The following LINGO1 variants were observed in gnomAD, a reference collection of about 807,000 sequenced individuals.
LINGO1 encodes leucine-rich repeat and immunoglobulin-like domain-containing nogo receptor-interacting protein 1.
A neutral mutation model predicts 37.3 loss-of-function variants in LINGO1; 11 were observed. That is an observed-to-expected ratio of 0.29 (90% confidence interval 0.19 to 0.49). LINGO1 has a LOEUF of 0.49. Ranked by LOEUF, LINGO1 falls within the 20% of genes least tolerant of loss-of-function variation. The pLI is 0.99. For synonymous variants in LINGO1, 387 were observed against 403.0 expected (o/e 0.96, Z 0.48); for missense variants, 585 against 878.2 (o/e 0.67, Z 4.22).
rs1044356987 is a variant in LINGO1, at chr15:77,613,947, G to A, written c.*97C>T. 6 of 996,496 alleles carry A rather than the reference G, an allele frequency of 6.0e-6. No individual in the cohort carries two copies. The highest frequency in any genetic ancestry group is 5.2e-5 in the East Asian group (2 of 38,160). 61.7% of individuals were successfully genotyped at this position (996,496 alleles called of 1,614,324 possible). ...GGAGAAAGAGAACGTGTGTAGAAGG[G>A]TAGGGAGGAGGTGGGAAGGACTGGA... is the stretch of plus-strand genomic sequence containing the variant. On this transcript the variant is annotated 3_prime_UTR_variant, in exon 2 of 2. Transcript: ENST00000355300.
At position 77,807,004 on chromosome 15, in the gene LINGO1, C is replaced by G. The variant is rs74026824; in HGVS notation, c.-457-10951G>C. On this transcript the variant is annotated intron_variant, in intron 1 of 5. Coordinates refer to the LINGO1 transcript ENST00000562933. ...CCATGCAAAGCTCTCCCTAGTAGCT[C>G]AGGCCCATCTGGGCAGCCTCGGCTC... Among the ~76,000 whole-genome samples, 282 of 152,330 alleles carry G rather than the reference C, an allele frequency of 1.9e-3. 1 individual carries two copies. The highest frequency in any genetic ancestry group is 6.2e-3 in the African/African-American group (258 of 41,576).
At chr15:77,680,544 C>T (rs768388598) in intron 2 of LINGO1, among the ~76,000 whole-genome samples, 3 of 152,096 alleles carry the variant, frequency 2.0e-5, no homozygotes, top group South Asian at 2.1e-4. Flanking sequence ...TCCCTATCCA[C>T]GAGGAAAAGG....
At chr15:77,766,311 A>AAAC (rs1555539952) in intron 1 of LINGO1, among the ~76,000 whole-genome samples, 2 of 151,120 alleles carry the variant, frequency 1.3e-5, no homozygotes, top group African/African-American at 4.9e-5. Context: ...AAAAAAAAAA[A>AAAC]AAAAAACACA....
intron 1 of LINGO1, among the ~76,000 whole-genome samples, chr15:77,815,770 C>T (rs11854573): frequency 4.0e-5 from 6 of 151,778 alleles, no homozygotes; most frequent in Admixed American, 1.3e-4. Flanking sequence ...CCACCAGAGA[C>T]GTGGTTTATA....
chr15:77,768,779 C>T (rs978531513), intron 1 of LINGO1, among the ~76,000 whole-genome samples: 3 of 152,210 alleles, frequency 2.0e-5, no homozygotes, highest in African/African-American at 7.2e-5. Context: ...GAGAAAAATT[C>T]ACGACCCAGC....
Position 77,632,325 on chromosome 15 carries a change from G to A in LINGO1, c.-10C>T. On this transcript the variant is annotated 5_prime_UTR_variant, in exon 1 of 2. Coordinates refer to ENST00000355300, the MANE Select transcript of LINGO1 (RefSeq NM_032808.7). This position sits in a 1 kb window ranked among gnomAD's most constrained non-coding sequence, Gnocchi z 6.0. ...CCTGGCTCACCTGCATCTCGGGCGCGCCTTCGGTCCGCTCGGCTCGGTCAC... is the reference window on the plus strand; with the variant it reads ...CCTGGCTCACCTGCATCTCGGGCGCACCTTCGGTCCGCTCGGCTCGGTCAC... 3.5e-6 allele frequency: 5 copies of A among 1,438,426 alleles called. No individual in the cohort carries two copies. Among genetic ancestry groups the A allele is most frequent in the African/African-American group, 1.5e-5 (1 of 67,726 alleles). The allele number at this position is 1,438,426 out of a possible 1,614,324, so 89.1% of individuals were successfully genotyped here. A position where few individuals can be genotyped will look rare whatever the true frequency, so the allele number is the denominator to read the frequency against.
At chr15:77,752,477 G>A (rs533081173) in intron 1 of LINGO1, among the ~76,000 whole-genome samples, 48 of 152,338 alleles carry the variant, frequency 3.2e-4, no homozygotes, top group Admixed American at 6.5e-4. Context: ...GGCCTTCTCC[G>A]GCCCAGCCTC....
intron 1 of LINGO1, among the ~76,000 whole-genome samples, chr15:77,763,051 C>T (rs1437227551): frequency 2.6e-5 from 4 of 152,210 alleles, no homozygotes; most frequent in South Asian, 4.1e-4. Flanking sequence ...GAGGTGCCCA[C>T]CCCGCCCTCG....
intron 1 of LINGO1, among the ~76,000 whole-genome samples, chr15:77,778,984 C>A (rs1712895327): frequency 6.6e-6 from 1 of 152,160 alleles, no homozygotes; most frequent in Non-Finnish European, 1.5e-5. Context: ...GCCTTCTCCA[C>A]CCATTCTGGC....
chr15:77,804,745 T>C (rs1289788796), intron 1 of LINGO1, among the ~76,000 whole-genome samples: 2 of 152,144 alleles, frequency 1.3e-5, no homozygotes, highest in African/African-American at 4.8e-5. Flanking sequence ...TCCTCCTGCT[T>C]CCCAGCTGCA....
intron 3 of LINGO1, among the ~76,000 whole-genome samples, chr15:77,672,652 T>C (rs1019934929): frequency 6.6e-6 from 1 of 152,172 alleles, no homozygotes; most frequent in Non-Finnish European, 1.5e-5. Flanking sequence ...GCGATGACCC[T>C]GGACATGAGA....
At chr15:77,770,575 G>A (rs762739819) in intron 1 of LINGO1, among the ~76,000 whole-genome samples, 7 of 129,504 alleles carry the variant, frequency 5.4e-5, no homozygotes, top group African/African-American at 1.2e-4. Context: ...GTAACAAAGC[G>A]AGACTCTGTC....
intron 1 of LINGO1, among the ~76,000 whole-genome samples, chr15:77,783,680 G>A (rs1054032545): frequency 6.6e-6 from 1 of 152,196 alleles, no homozygotes; most frequent in Non-Finnish European, 1.5e-5. Flanking sequence ...TCTCAAAACC[G>A]TGAGATGCTG....
At chr15:77,644,193 TGTGTGTGGTGTCTCTGTC>T (rs1408755543) in intron 3 of LINGO1, among the ~76,000 whole-genome samples, 1 of 152,168 alleles carries the variant, frequency 6.6e-6, no homozygotes, top group Admixed American at 6.5e-5. Flanking sequence ...ATGTTGAACA[TGTGTGTGGTGTCTCTGTC>T]GTGTGTGTCA....
At chr15:77,804,925 G>A (rs560165411) in intron 1 of LINGO1, among the ~76,000 whole-genome samples, 8 of 152,222 alleles carry the variant, frequency 5.3e-5, no homozygotes, top group Admixed American at 2.0e-4. Context: ...AGGGCTGGAT[G>A]GGAGTGCTGA....
At chr15:77,681,663 G>A (rs76672148) in intron 2 of LINGO1, among the ~76,000 whole-genome samples, 199 of 152,252 alleles carry the variant, frequency 1.3e-3, no homozygotes, top group African/African-American at 4.4e-3. Flanking sequence ...GGTGTGGGGG[G>A]GCTGAAAACA....
In LINGO1 at chr15:77,656,574, C is replaced by G. The variant is rs373999327; in HGVS notation, c.-13+20515G>C. 2.0e-4 allele frequency among the ~76,000 whole-genome samples: 31 copies of G among 152,326 alleles called. No homozygotes were observed. In the East Asian group the frequency reaches 5.2e-3, roughly 26 times the overall value. ...GCCTTGGGGTCTGGGGCTTGGGCTG[C>G]AACGGGGGCCATGTTGGTTCCCTCG... On this transcript the variant is annotated intron_variant, in intron 3 of 3. Transcript: ENST00000559893.
intron 1 of LINGO1, among the ~76,000 whole-genome samples, chr15:77,764,781 C>G (rs1308320341): frequency 6.6e-6 from 1 of 152,198 alleles, no homozygotes; most frequent in African/African-American, 2.4e-5. Flanking sequence ...GCTGAAGATA[C>G]ATGTATCCTA....
In LINGO1 at chr15:77,632,786, C is replaced by T. The variant is rs2074302564; in HGVS notation, c.-471G>A. Among the ~76,000 whole-genome samples, 1 of 146,072 alleles carries T rather than the reference C, an allele frequency of 6.8e-6. No homozygotes were observed. Among genetic ancestry groups the T allele is most frequent in the Non-Finnish European group, 1.5e-5 (1 of 65,828 alleles). On this transcript the variant is annotated 5_prime_UTR_variant, in exon 1 of 2. Coordinates refer to ENST00000355300, the MANE Select transcript of LINGO1 (RefSeq NM_032808.7). The surrounding 1 kb of genome is among the most constrained non-coding windows in gnomAD (Gnocchi z 6.0). ...GCGGCGCGGGTGGGGACTCCGCGCC[C>T]TCCGGGGCCGGGACCAGGACCCACC...
Sources: allele counts gnomAD v4.1 joint callset (sites outside exome capture counted in the v4.1 genomes callset), GRCh38; gene constraint gnomAD v4.1.1; non-coding constraint Gnocchi (gnomAD v3.1); transcripts MANE v1.5; gene names NCBI Gene and HGNC (gene_info 2026-07-23, HGNC 2026-07-21).